CASK: variants seen among roughly 807,000 people sequenced by gnomAD.
The protein encoded by CASK is calcium/calmodulin dependent serine protein kinase.
Under a neutral mutation model 82.9 loss-of-function variants are expected in CASK, and 4 were observed. The observed-to-expected ratio is 0.05, with a 90% CI of 0.02 to 0.11. The LOEUF (loss-of-function observed/expected upper bound fraction) is 0.11, where lower values mean the gene tolerates loss of function less well. Ranked by LOEUF, CASK falls within the 10% of genes least tolerant of loss-of-function variation. The pLI is 1.00. For synonymous variants in CASK, 259 were observed against 253.5 expected (o/e 1.02, Z -0.20); for missense variants, 358 against 720.9 (o/e 0.50, Z 5.76).
Position 41,526,394 on chromosome X carries a change from AC to A in CASK, c.2521-2361del, listed in dbSNP as rs1437653393. On this transcript the variant is annotated intron_variant, in intron 25 of 26. Transcript: ENST00000378163. ...ACCCACAGATGAAGTAGAGAATGAC[AC>A]CCTGGGCATGAAATGGTTTTTTTCT... 4.5e-5 allele frequency among the ~76,000 whole-genome samples: 5 copies of A among 111,992 alleles called. No homozygotes were observed. In the Admixed American group the frequency reaches 4.7e-4, roughly 11 times the overall value.
At chrX:41,845,555 T>A (rs1388564079) in intron 2 of CASK, among the ~76,000 whole-genome samples, 1 of 111,708 alleles carries the variant, frequency 9.0e-6, no homozygotes, top group African/African-American at 3.2e-5. Flanking sequence ...GCATAGTATA[T>A]CATTTTCTAC....
chrX:41,922,972 A>T lies in CASK; in HGVS notation c.17T>A (p.Val6Glu). MADDD[V>E]LFEDVYELCE... ...CAGCTCGTACACATCCTCGAACAGC[A>T]CGTCGTCGTCGGCCATGGTCCGGAG... The change falls in exon 1 of 27, where the codon GTG becomes GAG. Residue 6 changes from valine (V) to glutamate (E), a missense_variant. Val to Glu is a moderately radical substitution (Grantham distance 121, BLOSUM62 -2). Around this residue, in one of 5 missense-constraint regions of CASK, gnomAD observed 70 missense variants for 228.4 expected, o/e 0.31. Transcript: ENST00000378163. 1 of 1,209,772 alleles carries T rather than the reference A, an allele frequency of 8.3e-7. No individual in the cohort carries two copies. The highest frequency in any genetic ancestry group is 1.1e-6 in the Non-Finnish European group (1 of 894,384).
At chrX:41,741,445 A>C (rs947956944) in intron 4 of CASK, among the ~76,000 whole-genome samples, 4 of 112,169 alleles carry the variant, frequency 3.6e-5, no homozygotes, top group Non-Finnish European at 7.5e-5. Flanking sequence ...AAATTAGTTA[A>C]AGTGGACATA....
At chrX:41,528,824 G>A (rs771686502) in intron 25 of CASK, among the ~76,000 whole-genome samples, 10 of 112,276 alleles carry the variant, frequency 8.9e-5, no homozygotes, top group African/African-American at 3.2e-4. Flanking sequence ...GTATCCTGAA[G>A]GCAGGATGAA....
intron 10 of CASK, among the ~76,000 whole-genome samples, chrX:41,623,901 G>T (rs925950135): frequency 1.8e-5 from 2 of 110,532 alleles, no homozygotes; most frequent in Non-Finnish European, 1.9e-5. Flanking sequence ...CAAAGTAGAG[G>T]GTCTCCCTAT....
intron 21 of CASK, 81 bp downstream of exon 21, chrX:41,553,637 TA>T: frequency 1.3e-6 from 1 of 754,201 alleles, no homozygotes; most frequent in Non-Finnish European, 2.0e-6. Flanking sequence ...TTTTACACTC[TA>T]AAATAATATA....
At chrX:41,898,078 T>C (rs2072302930) in intron 1 of CASK, among the ~76,000 whole-genome samples, 1 of 111,520 alleles carries the variant, frequency 9.0e-6, no homozygotes, top group Non-Finnish European at 1.9e-5. Flanking sequence ...TGACAGAATT[T>C]GCCACTGATG....
At chrX:41,861,298 C>T (rs998339309) in intron 1 of CASK, among the ~76,000 whole-genome samples, 1 of 110,543 alleles carries the variant, frequency 9.0e-6, no homozygotes, top group Admixed American at 9.7e-5. Flanking sequence ...GGGGTTAGAG[C>T]CAATGTAGAG....
intron 21 of CASK, among the ~76,000 whole-genome samples, chrX:41,545,994 CAG>C (rs2065018057): frequency 1.8e-5 from 2 of 109,262 alleles, no homozygotes; most frequent in South Asian, 4.1e-4. Context: ...TTTCTTGAGA[CAG>C]AGTGTCGCTC....
intron 5 of CASK, among the ~76,000 whole-genome samples, chrX:41,716,973 C>T (rs986174075): frequency 7.2e-5 from 8 of 111,194 alleles, no homozygotes; most frequent in East Asian, 5.6e-4. Flanking sequence ...ACAACCTTCC[C>T]GCCAGTCTAT....
Position 41,636,699 on chromosome X carries a change from T to C in CASK, c.832-38A>G, listed in dbSNP as rs1037446263. 3.4e-6 allele frequency: 3 copies of C among 873,438 alleles called. No individual in the cohort carries two copies. In the African/African-American group the frequency reaches 5.9e-5, roughly 17 times the overall value. The allele number at this position is 873,438 out of a possible 1,213,427, so 72.0% of individuals were successfully genotyped here. A position where few individuals can be genotyped will look rare whatever the true frequency, so the allele number is the denominator to read the frequency against. On this transcript the variant is annotated intron_variant, in intron 8 of 26. Transcript: ENST00000378163. ...AAAGATAATGAACATATATAACCGT[T>C]TAAAAAAGTGCAGAAGCTTAATCTA... is the stretch of plus-strand genomic sequence containing the variant.
At chrX:41,619,044 A>T (rs1279763280) in intron 11 of CASK, among the ~76,000 whole-genome samples, 2 of 108,168 alleles carry the variant, frequency 1.8e-5, no homozygotes, top group African/African-American at 6.7e-5. Flanking sequence ...GTTAGCCAGG[A>T]TGGTCTCAAA....
intron 2 of CASK, among the ~76,000 whole-genome samples, chrX:41,851,773 T>C (rs927884459): frequency 8.9e-6 from 1 of 111,946 alleles, no homozygotes; most frequent in Non-Finnish European, 1.9e-5. Context: ...CTTAGACTTG[T>C]GATTTAAAAT....
At chrX:41,595,615 T>A (rs993563303) in intron 12 of CASK, among the ~76,000 whole-genome samples, 26 of 110,046 alleles carry the variant, frequency 2.4e-4, no homozygotes, top group African/African-American at 7.3e-4. Flanking sequence ...AAAATAAAAA[T>A]AAAAAAAAGA....
chrX:41,618,284 C>A (rs2066230770), intron 11 of CASK, among the ~76,000 whole-genome samples: 1 of 111,993 alleles, frequency 8.9e-6, no homozygotes, highest in Non-Finnish European at 1.9e-5. Context: ...TCCACAATAA[C>A]CCTGTCTCTG....
At chrX:41,527,224 GGAGAGGCAGAGA>G (rs1261766938) in intron 25 of CASK, among the ~76,000 whole-genome samples, 7 of 110,130 alleles carry the variant, frequency 6.4e-5, no homozygotes, top group Non-Finnish European at 9.5e-5. Context: ...AGAGAGAGGG[GGAGAGGCAGAGA>G]GAGAGACAGA....
In CASK at chrX:41,923,198, G is replaced by A. The variant is rs1055503079; in HGVS notation, c.-210C>T. 1.7e-5 allele frequency: 2 copies of A among 117,319 alleles called. No individual in the cohort carries two copies. Among genetic ancestry groups the A allele is most frequent in the African/African-American group, 6.6e-5 (2 of 30,369 alleles). 9.7% of individuals were successfully genotyped at this position (117,319 alleles called of 1,213,427 possible). A position where few individuals can be genotyped will look rare whatever the true frequency, so the allele number is the denominator to read the frequency against. ...GCCCCGGCGCGGGCGGCGGGGCCGGGGCGCGGGAGCGAGGGCGGCCCGGGC... is the reference window on the plus strand; with the variant it reads ...GCCCCGGCGCGGGCGGCGGGGCCGGAGCGCGGGAGCGAGGGCGGCCCGGGC... On this transcript the variant is annotated 5_prime_UTR_variant, in exon 1 of 27. Coordinates refer to ENST00000378163, the MANE Select transcript of CASK (RefSeq NM_001367721.1).
intron 1 of CASK, among the ~76,000 whole-genome samples, chrX:41,857,429 C>G (rs1173644519): frequency 3.6e-5 from 4 of 111,400 alleles, no homozygotes; most frequent in African/African-American, 1.3e-4. Flanking sequence ...CCTAAGACAT[C>G]TGAAGAGTCT....
chrX:41,676,014 G>A (rs1429901046), intron 5 of CASK: 34 of 1,205,542 alleles, frequency 2.8e-5, no homozygotes, highest in Non-Finnish European at 3.6e-5. Context: ...TGTGTTGGTT[G>A]CATTTCCTTT....
Sources: gnomAD v4.1 joint callset for allele counts (sites outside exome capture counted in the v4.1 genomes callset) on GRCh38, gnomAD v4.1.1 for gene constraint, gnomAD v4.1.1 regional missense constraint, MANE v1.5 for transcripts, NCBI Gene and HGNC (gene_info 2026-07-23, HGNC 2026-07-21) for gene names.